Variants in HIPK2 observed in about 807,000 individuals in gnomAD.
HIPK2 encodes the protein homeodomain-interacting protein kinase 2.
HIPK2 carries 27 observed loss-of-function variants against 113.7 expected under a neutral mutation model. The observed-to-expected ratio is 0.24, with a 90% CI of 0.17 to 0.33. HIPK2 has a LOEUF of 0.33. HIPK2 is among the 10% of genes least tolerant of loss of function. The probability of loss-of-function intolerance (pLI) is 1.00; values close to 1 mark genes in which losing one functional copy is unlikely to be tolerated. For synonymous variants in HIPK2, 631 were observed against 642.2 expected, an observed-to-expected ratio of 0.98 and a Z score of 0.26; for missense variants, 1,257 against 1,588.0, an observed-to-expected ratio of 0.79 and a Z score of 3.54.
intron 13 of HIPK2, among the ~76,000 whole-genome samples, chr7:139,582,388 C>A (rs73485533): frequency 6.6e-6 from 1 of 152,202 alleles, no homozygotes; most frequent in Non-Finnish European, 1.5e-5. Context: ...GCGCGAGCTG[C>A]GTGCTGCTTG....
At chr7:139,644,849 T>C (rs565146070) in intron 2 of HIPK2, among the ~76,000 whole-genome samples, 2 of 152,214 alleles carry the variant, frequency 1.3e-5, no homozygotes, top group Non-Finnish European at 2.9e-5. Flanking sequence ...TGTTACCCAC[T>C]TATAGTGATC....
chr7:139,724,004 CTTTTT>C (rs769658116), intron 1 of HIPK2, among the ~76,000 whole-genome samples: 1 of 137,410 alleles, frequency 7.3e-6, no homozygotes, highest in Non-Finnish European at 1.6e-5. Context: ...TGCTACAGAT[CTTTTT>C]TTTTTTTTTT....
At chr7:139,717,639 C>T (rs536089101) in intron 1 of HIPK2, among the ~76,000 whole-genome samples, 11 of 152,332 alleles carry the variant, frequency 7.2e-5, no homozygotes, top group Non-Finnish European at 1.3e-4. Flanking sequence ...CTGGTGGGGA[C>T]TGGGTAGCAC....
intron 10 of HIPK2, among the ~76,000 whole-genome samples, chr7:139,602,300 T>C (rs1167892816): frequency 6.6e-6 from 1 of 152,142 alleles, no homozygotes; most frequent in Non-Finnish European, 1.5e-5. Flanking sequence ...CTCTTTCTCC[T>C]GTAGACAGGT....
At chr7:139,666,931 G>A (rs1028358972) in intron 2 of HIPK2, among the ~76,000 whole-genome samples, 20 of 151,968 alleles carry the variant, frequency 1.3e-4, no homozygotes, top group African/African-American at 4.6e-4. Context: ...TGTAGTGGCA[G>A]GATCCTGTAA....
rs545754312 is a variant in HIPK2, at chr7:139,682,764, T to G, written c.1103+33168A>C. On this transcript the variant is annotated intron_variant, in intron 2 of 14. Coordinates refer to ENST00000406875, the MANE Select transcript of HIPK2 (RefSeq NM_022740.5). ...ACTGTGTTAAGGACCCGCGTTCCCC[T>G]TTCTTCTAACAGAGGGGACAGAAGG... 2.6e-4 allele frequency among the ~76,000 whole-genome samples: 39 copies of G among 152,364 alleles called. No individual in the cohort carries two copies. In the South Asian group the frequency reaches 7.5e-3, roughly 29 times the overall value.
chr7:139,697,556 C>A (rs1272358849), intron 2 of HIPK2, among the ~76,000 whole-genome samples: 1 of 151,744 alleles, frequency 6.6e-6, no homozygotes, highest in South Asian at 2.1e-4. Flanking sequence ...AATCTCATCC[C>A]ATTCCTACTT....
chr7:139,594,182 C>G (rs1185124940), intron 12 of HIPK2, among the ~76,000 whole-genome samples: 1 of 152,204 alleles, frequency 6.6e-6, no homozygotes, highest in African/African-American at 2.4e-5. Context: ...CCCCCCTCCC[C>G]TGCTATTCCC....
Position 139,635,619 on chromosome 7 carries a change from G to A in HIPK2, c.1104-3894C>T, listed in dbSNP as rs576405599. Among the ~76,000 whole-genome samples, 9 of 151,992 alleles carry A rather than the reference G, an allele frequency of 5.9e-5. No homozygotes were observed. The South Asian group carries it at 1.0e-3, about 18-fold the overall frequency. On this transcript the variant is annotated intron_variant, in intron 2 of 14. Coordinates refer to ENST00000406875, the MANE Select transcript of HIPK2 (RefSeq NM_022740.5). Reference sequence around the variant, plus strand: ...CATTCACGGTACCATGATACGTGCCGCAGAATGTTCCTGCTGCGACCGTAA... The same window carrying A: ...CATTCACGGTACCATGATACGTGCCACAGAATGTTCCTGCTGCGACCGTAA...
chr7:139,618,957 T>G (rs978508624), intron 7 of HIPK2, among the ~76,000 whole-genome samples: 3 of 152,130 alleles, frequency 2.0e-5, no homozygotes, highest in African/African-American at 7.2e-5. Context: ...AGCTCACAGG[T>G]CTGGCTATGG....
chr7:139,707,704 T>C (rs1569478237), intron 2 of HIPK2, among the ~76,000 whole-genome samples: 1 of 152,228 alleles, frequency 6.6e-6, no homozygotes, highest in Non-Finnish European at 1.5e-5. Context: ...CACAACACAG[T>C]GTATGGCACA....
chr7:139,650,960 T>C (rs1801437330), intron 2 of HIPK2, among the ~76,000 whole-genome samples: 1 of 152,240 alleles, frequency 6.6e-6, no homozygotes, highest in African/African-American at 2.4e-5. Flanking sequence ...GTCATGTTGC[T>C]CCCAAATTCC....
intron 2 of HIPK2, among the ~76,000 whole-genome samples, chr7:139,657,403 C>A (rs143338215): frequency 6.6e-6 from 1 of 152,146 alleles, no homozygotes; most frequent in African/African-American, 2.4e-5. Flanking sequence ...CTCGTCCATT[C>A]GATTTTTCAC....
chr7:139,673,896 A>T (rs1802398656), intron 2 of HIPK2, among the ~76,000 whole-genome samples: 1 of 34,858 alleles, frequency 2.9e-5, no homozygotes, highest in African/African-American at 1.2e-4. Context: ...AAAAAAAAAA[A>T]AAAAAAAAAA....
At chr7:139,695,681 G>A (rs1433164254) in intron 2 of HIPK2, among the ~76,000 whole-genome samples, 1 of 152,022 alleles carries the variant, frequency 6.6e-6, no homozygotes, top group East Asian at 1.9e-4. Flanking sequence ...CACTCAAGAT[G>A]AAAATTTAGG....
chr7:139,602,646 TCAGA>T (rs1314873560), intron 10 of HIPK2, among the ~76,000 whole-genome samples: 2 of 149,658 alleles, frequency 1.3e-5, no homozygotes, highest in Non-Finnish European at 3.0e-5. Context: ...ACCCAGTTGG[TCAGA>T]CAGCTTTCCA....
At chr7:139,689,500 T>C (rs1001008308) in intron 2 of HIPK2, among the ~76,000 whole-genome samples, 4 of 152,382 alleles carry the variant, frequency 2.6e-5, no homozygotes, top group East Asian at 1.9e-4. Context: ...ACATCATTTA[T>C]ATGTATTAGC....
At chr7:139,585,316 G>A (rs1177831656) in intron 12 of HIPK2, among the ~76,000 whole-genome samples, 2 of 152,230 alleles carry the variant, frequency 1.3e-5, no homozygotes, top group African/African-American at 4.8e-5. Flanking sequence ...AGAGCCCACA[G>A]CAGCCAGGCA....
At position 139,575,124 on chromosome 7, in the gene HIPK2, T is replaced by C. The variant is rs1798443224; in HGVS notation, c.3126+4A>G. On this transcript the variant is annotated splice_donor_region_variant and intron_variant, in intron 14 of 14. Coordinates refer to ENST00000406875, the MANE Select transcript of HIPK2 (RefSeq NM_022740.5). ...TGGCCTGGGGCGCCAGCTGTGGGGC[T>C]TACCTGGCTGAGATTGAGTGGCTGC... 1.9e-6 allele frequency: 3 copies of C among 1,590,008 alleles called. No homozygotes were observed. Among genetic ancestry groups the C allele is most frequent in the Non-Finnish European group, 1.7e-6 (2 of 1,168,860 alleles).
Sources: gnomAD v4.1 joint callset for allele counts (sites outside exome capture counted in the v4.1 genomes callset) on GRCh38, gnomAD v4.1.1 for gene constraint, MANE v1.5 for transcripts, NCBI Gene and HGNC (gene_info 2026-07-23, HGNC 2026-07-21) for gene names.